RSPH10B2: variants seen among roughly 807,000 people sequenced by gnomAD.
The protein encoded by RSPH10B2 is radial spoke head 10 homolog B2 (Chlamydomonas).
In RSPH10B2, 9 loss-of-function variants were observed where a neutral mutation model predicts 49.0. The ratio of observed to expected loss-of-function variants is 0.18; its 90% confidence interval spans 0.11 to 0.32. RSPH10B2 has a LOEUF of 0.32. Ranked by LOEUF, RSPH10B2 falls within the 10% of genes least tolerant of loss-of-function variation. The probability of loss-of-function intolerance (pLI) is 1.00; values close to 1 mark genes in which losing one functional copy is unlikely to be tolerated. For synonymous variants in RSPH10B2, 35 were observed against 210.2 expected, an observed-to-expected ratio of 0.17 and a Z score of 7.21; for missense variants, 95 against 589.9, an observed-to-expected ratio of 0.16 and a Z score of 8.69.
rs181059977 is a variant in RSPH10B2, at chr7:6,792,689, C to T, written c.2233+692C>T. On this transcript the variant is annotated intron_variant, in intron 17 of 18. Transcript: ENST00000297186. ...GATGATCAATGTCATGGGAATTTTC[C>T]GCTGTTACTCTGCCGGCCTTGCCAG... Among the ~76,000 whole-genome samples the T allele has an allele frequency of 3.6e-4, 44 of 120,884 alleles. 3 individuals are homozygous for T. Among genetic ancestry groups the T allele is most frequent in the African/African-American group, 1.3e-3 (41 of 31,470 alleles). 79.3% of individuals were successfully genotyped at this position (120,884 alleles called of 152,430 possible). A position where few individuals can be genotyped will look rare whatever the true frequency, so the allele number is the denominator to read the frequency against.
chr7:6,782,730 A>C (rs1423928004), intron 13 of RSPH10B2, among the ~76,000 whole-genome samples: 1 of 117,544 alleles, frequency 8.5e-6, no homozygotes, highest in Non-Finnish European at 1.8e-5. Flanking sequence ...AAAATACAAA[A>C]AAATTAGCCA....
Position 6,780,294 on chromosome 7 carries a change from G to C in RSPH10B2, c.1530-515G>C, listed in dbSNP as rs564497488. Among the ~76,000 whole-genome samples the C allele has an allele frequency of 2.4e-5, 3 of 125,418 alleles. 1 individual carries two copies. In the Admixed American group the frequency reaches 2.7e-4, roughly 11 times the overall value. The allele number at this position is 125,418 out of a possible 152,430, so 82.3% of individuals were successfully genotyped here. A position where few individuals can be genotyped will look rare whatever the true frequency, so the allele number is the denominator to read the frequency against. On this transcript the variant is annotated intron_variant, in intron 11 of 18. Transcript: ENST00000297186. ...GGGGTTTCTAATGCAGAAACAAATA[G>C]TCACAACCAAGTCTTCTTTCTTACA...
intron 6 of RSPH10B2, among the ~76,000 whole-genome samples, chr7:6,768,246 G>A (rs1217799671): frequency 1.3e-5 from 2 of 152,302 alleles, no homozygotes; most frequent in Non-Finnish European, 2.9e-5. Context: ...AAATCTTCAC[G>A]ATCAAGCCAG....
chr7:6,786,380 G>C (rs1189713997), intron 14 of RSPH10B2, among the ~76,000 whole-genome samples: 5 of 120,136 alleles, frequency 4.2e-5, no homozygotes, highest in Non-Finnish European at 6.6e-5. Context: ...TTTTTTAGTA[G>C]AGACGGAGTT....
intron 16 of RSPH10B2, among the ~76,000 whole-genome samples, chr7:6,791,686 G>A (rs1782338971): frequency 7.0e-6 from 1 of 142,538 alleles, no homozygotes; most frequent in East Asian, 2.8e-4. Context: ...GGAGGCTGCA[G>A]TGAGCCGAGA....
upstream of RSPH10B2, among the ~76,000 whole-genome samples, chr7:6,756,050 C>T (rs548429491): frequency 2.0e-4 from 30 of 150,664 alleles, no homozygotes; most frequent in Middle Eastern, 0.01. Flanking sequence ...GGGCAGATCA[C>T]GAGGTCAGGA....
chr7:6,779,487 AC>A (rs1781849777), intron 10 of RSPH10B2, 122 bp from the exon 13 acceptor site: 1 of 235,832 alleles, frequency 4.2e-6, no homozygotes, highest in African/African-American at 4.0e-5. Flanking sequence ...GGACGCTTAT[AC>A]ACATGTTCAG....
At chr7:6,774,182 C>CT (rs1304105410) in intron 9 of RSPH10B2, among the ~76,000 whole-genome samples, 784 of 49,734 alleles carry the variant, frequency 0.016, 149 homozygotes, top group African/African-American at 0.067. Flanking sequence ...AATATTGCTC[C>CT]TTTTTTTTTT....
intron 11 of RSPH10B2, among the ~76,000 whole-genome samples, chr7:6,780,070 G>A (rs1244900191): frequency 9.3e-6 from 1 of 107,880 alleles, no homozygotes; most frequent in Admixed American, 1.1e-4. Context: ...TGATCCACCT[G>A]CCTCAGCCTC....
At chr7:6,782,058 T>C (rs1781958198) in intron 13 of RSPH10B2, among the ~76,000 whole-genome samples, 1 of 110,710 alleles carries the variant, frequency 9.0e-6, no homozygotes, top group Non-Finnish European at 1.8e-5. Flanking sequence ...GGATTACAGG[T>C]GCCCGCCACC....
At chr7:6,777,957 G>GC (rs1163769371) in intron 10 of RSPH10B2, among the ~76,000 whole-genome samples, 1 of 152,282 alleles carries the variant, frequency 6.6e-6, no homozygotes, top group African/African-American at 2.4e-5. Flanking sequence ...TGACGTAACA[G>GC]CAACAGCACG....
chr7:6,793,945 G>A (rs1782454797), intron 17 of RSPH10B2, among the ~76,000 whole-genome samples: 1 of 152,228 alleles, frequency 6.6e-6, no homozygotes, highest in African/African-American at 2.4e-5. Context: ...GGGGGGCTGT[G>A]TACATGCTCA....
chr7:6,768,368 G>A (rs2115425228), intron 6 of RSPH10B2, among the ~76,000 whole-genome samples: 1 of 152,382 alleles, frequency 6.6e-6, no homozygotes, highest in Non-Finnish European at 1.5e-5. Context: ...TGTCATTTCT[G>A]TTTTACAGAC....
At chr7:6,774,755 G>GTTTT (rs1359670506) in intron 9 of RSPH10B2, among the ~76,000 whole-genome samples, 9 of 122,078 alleles carry the variant, frequency 7.4e-5, no homozygotes, top group Admixed American at 1.8e-4. Context: ...CTTTTTTTTT[G>GTTTT]TTTTTTTTTT....
chr7:6,764,350 T>G (rs28666683), intron 4 of RSPH10B2, among the ~76,000 whole-genome samples: 7,080 of 148,582 alleles, frequency 0.048, 37 homozygotes, highest in Admixed American at 0.17. Context: ...ATCACATAAA[T>G]TAACCATTTT....
At chr7:6,755,531 G>C (rs1220499966), upstream of RSPH10B2, among the ~76,000 whole-genome samples, 1 of 2,812 alleles carries the variant, frequency 3.6e-4, no homozygotes, top group South Asian at 0.01. Context: ...CGCAATCCTA[G>C]CACTTTGGGA....
intron 14 of RSPH10B2, 122 bp downstream of exon 16, chr7:6,786,178 C>CTTTTTTT (rs1266902018): frequency 4.2e-5 from 6 of 142,696 alleles, no homozygotes; most frequent in African/African-American, 2.4e-4. Context: ...TTCACTGATG[C>CTTTTTTT]TTTTTTTTTT....
At chr7:6,783,724 C>T (rs1212306099) in intron 13 of RSPH10B2, among the ~76,000 whole-genome samples, 12 of 151,712 alleles carry the variant, frequency 7.9e-5, no homozygotes, top group South Asian at 2.1e-4. Flanking sequence ...CCTCGTGCCT[C>T]GGCCTCCTGA....
intron 7 of RSPH10B2, among the ~76,000 whole-genome samples, chr7:6,770,614 A>G (rs1455736269): frequency 7.5e-6 from 1 of 132,466 alleles, no homozygotes; most frequent in Non-Finnish European, 1.7e-5. Flanking sequence ...ACCTCAAAAA[A>G]AAAAAAAATT....
Sources: gnomAD v4.1 joint callset for allele counts (sites outside exome capture counted in the v4.1 genomes callset) on GRCh38, gnomAD v4.1.1 for gene constraint, MANE v1.5 for transcripts, NCBI Gene and HGNC (gene_info 2026-07-23, HGNC 2026-07-21) for gene names.